The following ASTN1 variants were observed in gnomAD, a reference collection of about 807,000 sequenced individuals.
ASTN1 encodes astrotactin-1.
A neutral mutation model predicts 140.7 loss-of-function variants in ASTN1; 41 were observed. That is an observed-to-expected ratio of 0.29 (90% CI 0.23 to 0.38). ASTN1 has a LOEUF of 0.38. Ranked by LOEUF, ASTN1 falls within the 10% of genes least tolerant of loss-of-function variation. The probability of loss-of-function intolerance (pLI) is 1.00; values close to 1 mark genes in which losing one functional copy is unlikely to be tolerated. For synonymous variants in ASTN1, 640 were observed against 652.2 expected (o/e 0.98, Z 0.29); for missense variants, 1,479 against 1,678.8 (o/e 0.88, Z 2.08).
chr1:177,022,355 G>T (rs769484906), intron 7 of ASTN1, among the ~76,000 whole-genome samples: 1 of 152,134 alleles, frequency 6.6e-6, no homozygotes. Flanking sequence ...TCACTTTAAC[G>T]CTTTCCTTTG....
intron 8 of ASTN1, among the ~76,000 whole-genome samples, chr1:176,970,497 T>C (rs1420860631): frequency 6.6e-6 from 1 of 152,150 alleles, no homozygotes; most frequent in Non-Finnish European, 1.5e-5. Flanking sequence ...CCAGCATGTC[T>C]GGTGATAGGA....
chr1:177,032,643 G>A lies in ASTN1; in HGVS notation c.678C>T (p.Asn226=), dbSNP rs746609880. ...SLRNARVQGH[N]SSGTLSIRET... is the part of the protein sequence containing the mutation. ...CCCGGATGCTCAGGGTGCCACTGGAGTTGTGGCCCTGCACGCGGGCATTGC... is the reference window on the plus strand; with the variant it reads ...CCCGGATGCTCAGGGTGCCACTGGAATTGTGGCCCTGCACGCGGGCATTGC... The change falls in exon 3 of 23, where the codon AAC becomes AAT. Residue 226 remains asparagine (N), a synonymous_variant. Transcript: ENST00000361833. The A allele has an allele frequency of 2.0e-5, 32 of 1,614,058 alleles. No homozygotes were observed. The highest frequency in any genetic ancestry group is 1.6e-4 in the Middle Eastern group (1 of 6,084).
At chr1:177,075,973 A>T (rs993384140) in intron 1 of ASTN1, among the ~76,000 whole-genome samples, 2 of 152,030 alleles carry the variant, frequency 1.3e-5, no homozygotes, top group Non-Finnish European at 2.9e-5. Context: ...GAGATCCTCA[A>T]ACTGCAATAG....
chr1:177,085,767 C>T (rs1421308701), intron 1 of ASTN1, among the ~76,000 whole-genome samples: 1 of 152,146 alleles, frequency 6.6e-6, no homozygotes, highest in African/African-American at 2.4e-5. Flanking sequence ...GTGTGGTTCC[C>T]TGGTTTTCTC....
At chr1:177,089,306 A>G (rs893101337) in intron 1 of ASTN1, among the ~76,000 whole-genome samples, 5 of 152,138 alleles carry the variant, frequency 3.3e-5, no homozygotes, top group East Asian at 1.9e-4. Flanking sequence ...ATTATTTTTG[A>G]AAGAGGCCAG....
chr1:177,027,682 A>ACTT (rs761170575), intron 5 of ASTN1, among the ~76,000 whole-genome samples: 10 of 142,286 alleles, frequency 7.0e-5, no homozygotes, highest in Non-Finnish European at 1.4e-4. Context: ...CTTATCCTAG[A>ACTT]CTTCTTCTCC....
At chr1:176,900,410 T>C (rs1300913089) in intron 16 of ASTN1, among the ~76,000 whole-genome samples, 1 of 152,216 alleles carries the variant, frequency 6.6e-6, no homozygotes, top group African/African-American at 2.4e-5. Flanking sequence ...GCTAACTTCC[T>C]AGTTGCTCAA....
chr1:177,074,943 C>T (rs1036445601), intron 1 of ASTN1, among the ~76,000 whole-genome samples: 1 of 152,148 alleles, frequency 6.6e-6, no homozygotes, highest in Non-Finnish European at 1.5e-5. Context: ...TTGGTAGTTT[C>T]TAACTGGCAC....
At chr1:176,884,748 G>T (rs1346368062) in intron 18 of ASTN1, among the ~76,000 whole-genome samples, 1 of 152,230 alleles carries the variant, frequency 6.6e-6, no homozygotes, top group Non-Finnish European at 1.5e-5. Flanking sequence ...GTGAGTCAAA[G>T]ATTAATGAAT....
At chr1:176,927,946 T>A (rs1191762037) in intron 16 of ASTN1, among the ~76,000 whole-genome samples, 1 of 152,078 alleles carries the variant, frequency 6.6e-6, no homozygotes, top group Admixed American at 6.6e-5. Context: ...CTCATCCATA[T>A]CTCTAATCTT....
Position 176,863,499 on chromosome 1 carries a change from C to T in ASTN1, c.*785G>A. ...TCTCCTCTTGAATGTGGACTGCTAACTAGTCTCCCAGGTAGACTTTTCTGA... is the reference window on the plus strand; with the variant it reads ...TCTCCTCTTGAATGTGGACTGCTAATTAGTCTCCCAGGTAGACTTTTCTGA... On this transcript the variant is annotated 3_prime_UTR_variant, in exon 23 of 23. Coordinates refer to ENST00000361833, the MANE Select transcript of ASTN1 (RefSeq NM_004319.3). 14 of 985,558 alleles carry T rather than the reference C, an allele frequency of 1.4e-5. No individual in the cohort carries two copies. Among genetic ancestry groups the T allele is most frequent in the Non-Finnish European group, 1.7e-5 (14 of 829,878 alleles). 61.1% of individuals were successfully genotyped at this position (985,558 alleles called of 1,614,324 possible).
intron 8 of ASTN1, among the ~76,000 whole-genome samples, chr1:176,992,120 C>T (rs1376353096): frequency 6.6e-6 from 1 of 152,096 alleles, no homozygotes; most frequent in South Asian, 2.1e-4. Context: ...TTCAAAATAT[C>T]TCACAGTGCC....
chr1:176,985,893 C>G (rs228000), intron 8 of ASTN1, among the ~76,000 whole-genome samples: 1,868 of 143,860 alleles, frequency 0.013, 45 homozygotes, highest in African/African-American at 0.045. Context: ...CACACACACA[C>G]ACAGACAGCC....
chr1:177,080,215 T>A (rs1679110437), intron 1 of ASTN1, among the ~76,000 whole-genome samples: 1 of 146,364 alleles, frequency 6.8e-6, no homozygotes. Flanking sequence ...CCTTCCTAAG[T>A]GTCTCTTCAT....
rs559028638 is a variant in ASTN1 at position 177,045,295 on chromosome 1, C to T, written c.472-12446G>A. 1.1e-4 allele frequency among the ~76,000 whole-genome samples: 16 copies of T among 152,320 alleles called. No homozygotes were observed. In the South Asian group the frequency reaches 3.3e-3, roughly 32 times the overall value. ...CCACATTCTAAATTCCTTCCACAGC[C>T]CCAGCCTTAGCAGAATGTCTAGCAC... On this transcript the variant is annotated intron_variant, in intron 2 of 22. Coordinates refer to ENST00000361833, the MANE Select transcript of ASTN1 (RefSeq NM_004319.3).
At chr1:177,015,798 G>A (rs1675517225) in intron 7 of ASTN1, among the ~76,000 whole-genome samples, 1 of 152,034 alleles carries the variant, frequency 6.6e-6, no homozygotes. Context: ...TACCGATTTT[G>A]AAGAAAATTT....
Position 177,075,144 on chromosome 1 carries a change from G to C in ASTN1, c.284-13879C>G, listed in dbSNP as rs577841270. Among the ~76,000 whole-genome samples, 31 of 152,128 alleles carry C rather than the reference G, an allele frequency of 2.0e-4. No homozygotes were observed. The South Asian group carries it at 5.0e-3, about 24-fold the overall frequency. On this transcript the variant is annotated intron_variant, in intron 1 of 22. Coordinates refer to ENST00000361833, the MANE Select transcript of ASTN1 (RefSeq NM_004319.3). Reference sequence around the variant, plus strand: ...GCTGGAGTGCAATGGCGTGATCTTGGCTCACTGCAACCTCCGCCTCCCAGG... The same window carrying C: ...GCTGGAGTGCAATGGCGTGATCTTGCCTCACTGCAACCTCCGCCTCCCAGG...
rs191866410 is a variant in ASTN1, at chr1:176,924,030, A to G, written c.2671+10122T>C. Reference sequence around the variant, plus strand: ...GTCTTATACTATTTAGCCTCTAGCCATATGCTTACTTCTCCTGGGTCTGAA... The same window carrying G: ...GTCTTATACTATTTAGCCTCTAGCCGTATGCTTACTTCTCCTGGGTCTGAA... On this transcript the variant is annotated intron_variant, in intron 16 of 22. Transcript: ENST00000361833. Among the ~76,000 whole-genome samples, 328 of 152,286 alleles carry G rather than the reference A, an allele frequency of 2.2e-3. 3 individuals are homozygous for G. Among genetic ancestry groups the G allele is most frequent in the African/African-American group, 7.4e-3 (309 of 41,562 alleles).
intron 1 of ASTN1, 25 bp from the exon 2 acceptor site, chr1:177,061,290 A>C (rs1678073627): frequency 6.8e-7 from 1 of 1,478,100 alleles, no homozygotes; most frequent in African/African-American, 1.4e-5. Context: ...CCAAAGGCAC[A>C]GGTGAGAATT....
Sources: gnomAD v4.1 joint callset for allele counts (sites outside exome capture counted in the v4.1 genomes callset) on GRCh38, gnomAD v4.1.1 for gene constraint, MANE v1.5 for transcripts, NCBI Gene and HGNC (gene_info 2026-07-23, HGNC 2026-07-21) for gene names.